Variants in CADPS2 observed in about 807,000 individuals in gnomAD.
CADPS2 encodes the protein calcium dependent secretion activator 2.
CADPS2 carries 93 observed loss-of-function variants against 172.5 expected under a neutral mutation model. The ratio of observed to expected loss-of-function variants is 0.54; its 90% CI spans 0.46 to 0.64. The LOEUF (loss-of-function observed/expected upper bound fraction) is 0.64, where lower values mean the gene tolerates loss of function less well. Among genes scored for constraint, CADPS2 ranks in the 30% least tolerant of loss-of-function variants. The pLI, the probability that CADPS2 is intolerant of heterozygous loss-of-function variation, is 0.00. For synonymous variants in CADPS2, 546 were observed against 555.2 expected (o/e 0.98, Z 0.23); for missense variants, 1,420 against 1,565.9 (o/e 0.91, Z 1.57).
At chr7:122,421,720 A>G (rs2151813911) in intron 17 of CADPS2, among the ~76,000 whole-genome samples, 1 of 152,364 alleles carries the variant, frequency 6.6e-6, no homozygotes, top group South Asian at 2.1e-4. Context: ...TGGTCAACAT[A>G]AAGAAGATCT....
At chr7:122,375,941 C>T (rs1435847503) in intron 25 of CADPS2, among the ~76,000 whole-genome samples, 1 of 151,886 alleles carries the variant, frequency 6.6e-6, no homozygotes, top group Non-Finnish European at 1.5e-5. Flanking sequence ...AGCACTACAT[C>T]TCTAATGAAC....
At chr7:122,775,024 T>G (rs1036396711) in intron 1 of CADPS2, among the ~76,000 whole-genome samples, 7 of 152,050 alleles carry the variant, frequency 4.6e-5, no homozygotes, top group Admixed American at 1.3e-4. Flanking sequence ...CTATGTGTGT[T>G]TTTTTTAAAA....
chr7:122,559,232 G>A (rs111268020), intron 7 of CADPS2, among the ~76,000 whole-genome samples: 271 of 152,174 alleles, frequency 1.8e-3, no homozygotes, highest in African/African-American at 6.1e-3. Flanking sequence ...ATAAAGATAT[G>A]GGGGCTGTTG....
At chr7:122,693,510 T>C (rs549810547) in intron 2 of CADPS2, among the ~76,000 whole-genome samples, 1 of 152,312 alleles carries the variant, frequency 6.6e-6, no homozygotes, top group African/African-American at 2.4e-5. Flanking sequence ...GTGTGCACAC[T>C]GGAATACCCT....
At chr7:122,801,995 T>A (rs1252756979) in intron 1 of CADPS2, among the ~76,000 whole-genome samples, 1 of 152,102 alleles carries the variant, frequency 6.6e-6, no homozygotes, top group Non-Finnish European at 1.5e-5. Context: ...AAATCTCTCA[T>A]AATAGAAAAG....
intron 9 of CADPS2, among the ~76,000 whole-genome samples, chr7:122,509,106 T>C (rs1479762867): frequency 1.3e-5 from 2 of 152,156 alleles, no homozygotes; most frequent in Non-Finnish European, 2.9e-5. Flanking sequence ...CTAGAGGATA[T>C]AACAGAACTT....
At chr7:122,363,573 C>T (rs62474590) in intron 25 of CADPS2, among the ~76,000 whole-genome samples, 14,910 of 115,730 alleles carry the variant, frequency 0.13, 2,249 homozygotes, top group Non-Finnish European at 0.15. Flanking sequence ...GCAGCTCTGC[C>T]GCTGTCTGGC....
chr7:122,688,085 C>T (rs1008174617), intron 2 of CADPS2, among the ~76,000 whole-genome samples: 22 of 152,318 alleles, frequency 1.4e-4, no homozygotes, highest in African/African-American at 4.8e-4. Context: ...TATAACATAG[C>T]GGCCCAAGCC....
intron 1 of CADPS2, among the ~76,000 whole-genome samples, chr7:122,873,628 C>T (rs373143022): frequency 1.3e-4 from 20 of 152,272 alleles, no homozygotes; most frequent in South Asian, 4.1e-4. Flanking sequence ...CTACAGTAAA[C>T]GTACGTGTGC....
At position 122,754,307 on chromosome 7, in the gene CADPS2, G is replaced by C. The variant is rs537792458; in HGVS notation, c.340-17239C>G. On this transcript the variant is annotated intron_variant, in intron 1 of 29. Transcript: ENST00000449022. The stretch of plus-strand genomic sequence containing the variant: ...TATTTCTTTATCCACTTCTGCTTTT[G>C]TTTTATTTGTTAACCAAAGTGTGAC... Among the ~76,000 whole-genome samples the C allele has an allele frequency of 6.6e-5, 10 of 151,788 alleles. No homozygotes were observed. The East Asian group carries it at 1.9e-3, about 29-fold the overall frequency.
At chr7:122,453,543 C>G (rs1004032794) in intron 14 of CADPS2, among the ~76,000 whole-genome samples, 1 of 152,066 alleles carries the variant, frequency 6.6e-6, no homozygotes, top group Non-Finnish European at 1.5e-5. Context: ...AAACTCATAC[C>G]ATAAAGTTAT....
intron 20 of CADPS2, among the ~76,000 whole-genome samples, chr7:122,399,871 A>T (rs186803364): frequency 2.7e-5 from 4 of 148,840 alleles, no homozygotes; most frequent in Admixed American, 2.7e-4. Context: ...TATTTTTAGT[A>T]GAGACGGGGT....
intron 1 of CADPS2, among the ~76,000 whole-genome samples, chr7:122,866,135 ATATT>A (rs1818257999): frequency 6.6e-6 from 1 of 152,228 alleles, no homozygotes; most frequent in Non-Finnish European, 1.5e-5. Context: ...CCACATAAAC[ATATT>A]TATTATTTTA....
intron 29 of CADPS2, among the ~76,000 whole-genome samples, chr7:122,323,874 TATATATATATATA>T (rs1258465200): frequency 4.0e-4 from 6 of 15,000 alleles, no homozygotes; most frequent in African/African-American, 1.5e-3. Flanking sequence ...ATGTATATTT[TATATATATATATA>T]TATATATATA....
intron 2 of CADPS2, among the ~76,000 whole-genome samples, chr7:122,707,181 TG>T: frequency 6.6e-6 from 1 of 151,992 alleles, no homozygotes; most frequent in Non-Finnish European, 1.5e-5. Context: ...TAATATGCAC[TG>T]TACACAAGGC....
rs114288986 is a variant in CADPS2, at chr7:122,376,980, G to A, written c.3387+2388C>T. Among the ~76,000 whole-genome samples, 248 of 152,144 alleles carry A rather than the reference G, an allele frequency of 1.6e-3. 1 individual carries two copies. The highest frequency in any genetic ancestry group is 5.7e-3 in the African/African-American group (235 of 41,520). On this transcript the variant is annotated intron_variant, in intron 25 of 29. Coordinates refer to ENST00000449022, the MANE Select transcript of CADPS2 (RefSeq NM_017954.11). ...TCAATTATTGTCATCTCTTATAGAA[G>A]CTTGAGATGTTTGGTTCAACCTATC... is the stretch of plus-strand genomic sequence containing the variant.
intron 2 of CADPS2, chr7:122,698,596 C>T: frequency 1.2e-6 from 2 of 1,613,960 alleles, no homozygotes; most frequent in Non-Finnish European, 1.7e-6. Context: ...GGTACAACCT[C>T]CCCGTTCAAT....
At chr7:122,702,253 C>T (rs199764715) in intron 2 of CADPS2, 52 of 1,613,820 alleles carry the variant, frequency 3.2e-5, no homozygotes, top group Non-Finnish European at 4.2e-5. Context: ...CTTTCTGAAT[C>T]GAGTGCAAAA....
chr7:122,590,537 G>T (rs1386178929), intron 6 of CADPS2, among the ~76,000 whole-genome samples: 1 of 151,780 alleles, frequency 6.6e-6, no homozygotes, highest in Non-Finnish European at 1.5e-5. Context: ...TGGACTGTAA[G>T]GTTGTTTCCA....
Sources: allele counts gnomAD v4.1 joint callset (sites outside exome capture counted in the v4.1 genomes callset), GRCh38; gene constraint gnomAD v4.1.1; transcripts MANE v1.5; gene names NCBI Gene and HGNC (gene_info 2026-07-23, HGNC 2026-07-21).